The following AFF1 variants were observed in gnomAD, a reference collection of about 807,000 sequenced individuals.
AFF1 encodes ALF transcription elongation factor 1.
In AFF1, 48 loss-of-function variants were observed where a neutral mutation model predicts 121.7. The observed-to-expected ratio is 0.39, with a 90% CI of 0.31 to 0.50. The LOEUF (loss-of-function observed/expected upper bound fraction) is 0.50, where lower values mean the gene tolerates loss of function less well. Among genes scored for constraint, AFF1 ranks in the 20% least tolerant of loss-of-function variants. The pLI is 0.76. For synonymous variants in AFF1, 613 were observed against 563.0 expected (o/e 1.09, Z -1.26); for missense variants, 1,523 against 1,511.7 (o/e 1.01, Z -0.12).
chr4:87,117,597 T>G (rs1418244586), intron 12 of AFF1, among the ~76,000 whole-genome samples: 1 of 152,224 alleles, frequency 6.6e-6, no homozygotes, highest in African/African-American at 2.4e-5. Flanking sequence ...AAGCTAGTTA[T>G]TTGGATCCAA....
intron 2 of AFF1, among the ~76,000 whole-genome samples, chr4:87,033,856 T>G (rs529345892): frequency 6.6e-6 from 1 of 152,318 alleles, no homozygotes; most frequent in East Asian, 1.9e-4. Context: ...AAAAAACTAT[T>G]GAGTCTCTGG....
intron 2 of AFF1, among the ~76,000 whole-genome samples, chr4:86,974,313 A>C (rs558986532): frequency 1.3e-5 from 2 of 152,038 alleles, no homozygotes; most frequent in East Asian, 3.9e-4. Flanking sequence ...ACGCCGGGCT[A>C]ATTTTTTTGT....
chr4:87,114,377 C>T lies in AFF1; in HGVS notation c.1544C>T (p.Pro515Leu), dbSNP rs1050052687. The change falls in exon 12 of 21, where the codon CCA (proline) becomes CTA (leucine). Residue 515 changes from proline (P) to leucine (L), a missense_variant. Physicochemically the swap from Pro to Leu is moderately conservative, Grantham distance 98 (BLOSUM62 -3). Around this residue, in one of 5 missense-constraint regions of AFF1, gnomAD observed 905 missense variants for 842.5 expected, o/e 1.07. Transcript: ENST00000395146. ...TTTCCTTATTTTTAGCCTGAGCCTCCAACAACAAACAAATGGCAGCTGGAC... is the reference window on the plus strand; with the variant it reads ...TTTCCTTATTTTTAGCCTGAGCCTCTAACAACAAACAAATGGCAGCTGGAC... ...LETPAPEPEPPTTNKWQLDNW... is the reference protein window; with the variant it reads ...LETPAPEPEPLTTNKWQLDNW... The T allele has an allele frequency of 6.3e-7, 1 of 1,593,630 alleles. No homozygotes were observed.
intron 4 of AFF1, among the ~76,000 whole-genome samples, chr4:87,059,739 C>T (rs2149648533): frequency 6.6e-6 from 1 of 152,290 alleles, no homozygotes; most frequent in South Asian, 2.1e-4. Context: ...CCACTGCAGC[C>T]CCCAGACCCT....
At chr4:87,065,965 C>A (rs894222272) in intron 4 of AFF1, among the ~76,000 whole-genome samples, 1 of 152,076 alleles carries the variant, frequency 6.6e-6, no homozygotes, top group African/African-American at 2.4e-5. Context: ...TTTAACTATG[C>A]CAGCAGGTTA....
chr4:87,126,969 T>G, intron 14 of AFF1, 57 bp from the exon 15 acceptor site: 5 of 1,470,316 alleles, frequency 3.4e-6, no homozygotes, highest in Non-Finnish European at 1.9e-6. Context: ...ATGGTACTTT[T>G]AGGACAGTGG....
At chr4:87,101,783 C>A (rs531805532) in intron 8 of AFF1, among the ~76,000 whole-genome samples, 1 of 152,318 alleles carries the variant, frequency 6.6e-6, no homozygotes, top group South Asian at 2.1e-4. Flanking sequence ...GATACCATGG[C>A]TGTGACTTAC....
chr4:86,951,867 G>A (rs1419554821), intron 2 of AFF1, among the ~76,000 whole-genome samples: 1 of 151,390 alleles, frequency 6.6e-6, no homozygotes, highest in Non-Finnish European at 1.5e-5. Flanking sequence ...GCCCGCCTTG[G>A]CCTCCCAAAG....
intron 2 of AFF1, among the ~76,000 whole-genome samples, chr4:87,002,172 A>G (rs1725776882): frequency 2.0e-5 from 3 of 147,588 alleles, no homozygotes; most frequent in Non-Finnish European, 1.5e-5. Flanking sequence ...GGCTCACTGT[A>G]ATCTCAAATT....
At chr4:87,007,628 G>A (rs1289177951) in intron 2 of AFF1, among the ~76,000 whole-genome samples, 1 of 152,198 alleles carries the variant, frequency 6.6e-6, no homozygotes, top group Non-Finnish European at 1.5e-5. Flanking sequence ...GCACAGCGGA[G>A]AGAGGGATGG....
intron 12 of AFF1, among the ~76,000 whole-genome samples, chr4:87,117,561 C>T (rs1048088448): frequency 6.6e-6 from 1 of 152,164 alleles, no homozygotes; most frequent in African/African-American, 2.4e-5. Context: ...GAAGCAGAGC[C>T]GTACTGCAGG....
chr4:87,122,918 A>G lies in AFF1; in HGVS notation c.2467-2119A>G, dbSNP rs971251631. On this transcript the variant is annotated intron_variant, in intron 12 of 20. Transcript: ENST00000395146. ...AAAAAAAAAAAAAATTCTTTTTGAG[A>G]CAGTCTCATTCTGATGCCCAGGCTG... 7.1e-4 allele frequency among the ~76,000 whole-genome samples: 99 copies of G among 138,488 alleles called. 1 individual carries two copies. The highest frequency in any genetic ancestry group is 2.6e-3 in the African/African-American group (98 of 38,094). 90.9% of individuals were successfully genotyped at this position (138,488 alleles called of 152,430 possible). A position where few individuals can be genotyped will look rare whatever the true frequency, so the allele number is the denominator to read the frequency against.
intron 2 of AFF1, among the ~76,000 whole-genome samples, chr4:86,982,121 T>C (rs1455853884): frequency 6.6e-6 from 1 of 152,178 alleles, no homozygotes; most frequent in Non-Finnish European, 1.5e-5. Context: ...TTACTGAAAG[T>C]CAACTTACTG....
chr4:86,987,473 A>G (rs1724378842), intron 2 of AFF1, among the ~76,000 whole-genome samples: 1 of 152,122 alleles, frequency 6.6e-6, no homozygotes, highest in African/African-American at 2.4e-5. Context: ...GGTCTTGATA[A>G]CCAAGAATGT....
At chr4:87,041,499 G>C (rs1730148429) in intron 2 of AFF1, among the ~76,000 whole-genome samples, 1 of 152,076 alleles carries the variant, frequency 6.6e-6, no homozygotes. Flanking sequence ...TCTGTGTTTT[G>C]ACAAACCCTC....
At chr4:87,086,283 G>T (rs573789508) in intron 5 of AFF1, among the ~76,000 whole-genome samples, 2 of 152,244 alleles carry the variant, frequency 1.3e-5, no homozygotes, top group South Asian at 4.1e-4. Context: ...GTGCAGGTTT[G>T]TTGTCTTCTG....
chr4:86,950,198 G>A, intron 2 of AFF1: 1 of 1,355,582 alleles, frequency 7.4e-7, no homozygotes, highest in Non-Finnish European at 1.1e-6. Flanking sequence ...ATTTTTTTAA[G>A]ACAAAGTTTC....
At chr4:87,059,173 C>G (rs1720469692) in intron 4 of AFF1, among the ~76,000 whole-genome samples, 1 of 152,202 alleles carries the variant, frequency 6.6e-6, no homozygotes. Flanking sequence ...GAGTGATTTT[C>G]TAGCCTAAAA....
At chr4:86,982,036 T>C (rs1015664883) in intron 2 of AFF1, among the ~76,000 whole-genome samples, 9 of 152,160 alleles carry the variant, frequency 5.9e-5, no homozygotes, top group African/African-American at 2.2e-4. Flanking sequence ...GTGACAGCAC[T>C]GAAGTGAGAT....
Sources: allele counts gnomAD v4.1 joint callset (sites outside exome capture counted in the v4.1 genomes callset), GRCh38; gene constraint gnomAD v4.1.1; regional missense constraint gnomAD v4.1.1; transcripts MANE v1.5; gene names NCBI Gene and HGNC (gene_info 2026-07-23, HGNC 2026-07-21).